The following EDARADD variants were observed in gnomAD, a reference collection of about 807,000 sequenced individuals.
The protein encoded by EDARADD is EDAR associated via death domain.
EDARADD carries 20 observed loss-of-function variants against 25.6 expected under a neutral mutation model. The ratio of observed to expected loss-of-function variants is 0.78; its 90% CI spans 0.55 to 1.14. EDARADD has a LOEUF of 1.14. Among genes scored for constraint, EDARADD ranks in the 50% most tolerant of loss-of-function variants. The probability of loss-of-function intolerance (pLI) is 0.00; values close to 1 mark genes in which losing one functional copy is unlikely to be tolerated. For synonymous variants in EDARADD, 86 were observed against 94.4 expected, an observed-to-expected ratio of 0.91 and a Z score of 0.52; for missense variants, 225 against 270.1, an observed-to-expected ratio of 0.83 and a Z score of 1.17.
At chr1:236,353,063 T>A (rs1034393051) in intron 3 of EDARADD, among the ~76,000 whole-genome samples, 19 of 151,510 alleles carry the variant, frequency 1.3e-4, no homozygotes, top group Middle Eastern at 3.4e-3. Context: ...GTACTAACAG[T>A]AGTGAATTTA....
At chr1:236,447,248 T>TTGCC (rs1658586958) in intron 4 of EDARADD, among the ~76,000 whole-genome samples, 1 of 123,076 alleles carries the variant, frequency 8.1e-6, no homozygotes. Flanking sequence ...CTTTCCTTTC[T>TTGCC]TTCCTTTCTT....
At chr1:236,394,035 C>T (rs1383068948), upstream of EDARADD, among the ~76,000 whole-genome samples, 1 of 151,724 alleles carries the variant, frequency 6.6e-6, no homozygotes, top group East Asian at 1.9e-4. Context: ...CCACCATCTT[C>T]TATTTGATAT....
chr1:236,414,856 A>T (rs1657593427), intron 3 of EDARADD, among the ~76,000 whole-genome samples: 1 of 151,938 alleles, frequency 6.6e-6, no homozygotes. Flanking sequence ...CTGGGCAACA[A>T]ACTCCATCTC....
chr1:236,468,849 C>T (rs1257533606), intron 5 of EDARADD, among the ~76,000 whole-genome samples: 1 of 152,044 alleles, frequency 6.6e-6, no homozygotes, highest in Non-Finnish European at 1.5e-5. Context: ...TCAGGCCAGT[C>T]GGGACTGAGT....
At position 236,381,311 on chromosome 1, in the gene EDARADD, T is replaced by C. The variant is rs185072015; in HGVS notation, c.-5-27905T>C. On this transcript the variant is annotated intron_variant, in intron 3 of 7. Transcript: ENST00000439430. The stretch of plus-strand genomic sequence containing the variant: ...CTAAAGATACACCATTCATTTTTAT[T>C]TTTATTTTATTTTATTTTTTATTTT... 3.4e-4 allele frequency among the ~76,000 whole-genome samples: 51 copies of C among 151,958 alleles called. 1 individual carries two copies. The East Asian group carries it at 9.6e-3, about 29-fold the overall frequency.
chr1:236,361,786 C>A (rs1572109145), intron 3 of EDARADD, among the ~76,000 whole-genome samples: 1 of 151,280 alleles, frequency 6.6e-6, no homozygotes, highest in South Asian at 2.1e-4. Flanking sequence ...TGTGGCTATA[C>A]CACAATTTGT....
At chr1:236,407,253 G>A (rs1171590194) in intron 1 of EDARADD, among the ~76,000 whole-genome samples, 6 of 152,174 alleles carry the variant, frequency 3.9e-5, no homozygotes, top group Non-Finnish European at 5.9e-5. Flanking sequence ...GTGCTGGGCC[G>A]CGGTCCCCGG....
At chr1:236,455,083 G>A (rs1193372857) in intron 4 of EDARADD, among the ~76,000 whole-genome samples, 4 of 152,236 alleles carry the variant, frequency 2.6e-5, no homozygotes, top group African/African-American at 4.8e-5. Flanking sequence ...GGTGGCGGGC[G>A]CCTGTAGTCC....
chr1:236,455,172 T>C (rs1187432353), intron 4 of EDARADD, among the ~76,000 whole-genome samples: 1 of 151,610 alleles, frequency 6.6e-6, no homozygotes, highest in African/African-American at 2.4e-5. Flanking sequence ...ATTGTGCCAC[T>C]GTACTCCAGC....
At chr1:236,351,335 C>T (rs1299403038) in intron 3 of EDARADD, among the ~76,000 whole-genome samples, 2 of 152,020 alleles carry the variant, frequency 1.3e-5, no homozygotes, top group Non-Finnish European at 2.9e-5. Flanking sequence ...ATGTTGATAC[C>T]GGTGGGCCAG....
intron 3 of EDARADD, among the ~76,000 whole-genome samples, chr1:236,360,122 C>G (rs1667028570): frequency 6.6e-6 from 1 of 151,836 alleles, no homozygotes; most frequent in Non-Finnish European, 1.5e-5. Context: ...CAAGACAAGT[C>G]TGGTCAACAT....
rs984780896 is a variant in EDARADD, at chr1:236,484,212, G to A, written c.*1563G>A. On this transcript the variant is annotated 3_prime_UTR_variant, in exon 6 of 6. Transcript: ENST00000334232. The surrounding 1 kb of genome is among the most constrained non-coding windows in gnomAD (Gnocchi z 4.1). ...GCTCAAAGTGAACCAGATTCGCTCT[G>A]TGACTGAGTCCCTTCAGGCGTGCAA... 7 of 1,005,354 alleles carry A rather than the reference G, an allele frequency of 7.0e-6. No individual in the cohort carries two copies. Among genetic ancestry groups the A allele is most frequent in the Middle Eastern group, 2.1e-4 (1 of 4,750 alleles). The allele number at this position is 1,005,354 out of a possible 1,614,324, so 62.3% of individuals were successfully genotyped here. A position where few individuals can be genotyped will look rare whatever the true frequency, so the allele number is the denominator to read the frequency against.
intron 4 of EDARADD, among the ~76,000 whole-genome samples, chr1:236,467,576 C>T (rs1041959141): frequency 2.0e-5 from 3 of 151,906 alleles, no homozygotes; most frequent in Non-Finnish European, 4.4e-5. Flanking sequence ...GAGATTTGGA[C>T]GCCACTTTTT....
chr1:236,441,403 A>G (rs958651401), intron 4 of EDARADD, among the ~76,000 whole-genome samples: 1 of 145,264 alleles, frequency 6.9e-6, no homozygotes, highest in African/African-American at 2.5e-5. Flanking sequence ...TATATGAGAT[A>G]TATATAGAAG....
chr1:236,437,059 G>A (rs1441456296), intron 4 of EDARADD, among the ~76,000 whole-genome samples: 1 of 152,176 alleles, frequency 6.6e-6, no homozygotes, highest in Non-Finnish European at 1.5e-5. Context: ...AGAGCTTACA[G>A]TCAAGTTTGG....
chr1:236,395,640 C>T lies in EDARADD; in HGVS notation c.61+1135C>T. 6.3e-7 allele frequency: 1 copy of T among 1,575,994 alleles called. No individual in the cohort carries two copies. Among genetic ancestry groups the T allele is most frequent in the Non-Finnish European group, 8.6e-7 (1 of 1,163,262 alleles). ...CCCTAACCCGCCGCCATGGCTTCAC[C>T]GGACGACCCTCTGCGCGCAGGTAAA... On this transcript the variant is annotated intron_variant, in intron 1 of 5. Transcript: ENST00000334232. This position sits in a 1 kb window ranked among gnomAD's most constrained non-coding sequence, Gnocchi z 6.9.
chr1:236,477,634 G>A (rs1234295903), intron 5 of EDARADD, among the ~76,000 whole-genome samples: 1 of 152,098 alleles, frequency 6.6e-6, no homozygotes, highest in Non-Finnish European at 1.5e-5. Context: ...AAGTTCATTA[G>A]AGGAAGAGAA....
At chr1:236,428,971 C>CA (rs1333901880) in intron 4 of EDARADD, among the ~76,000 whole-genome samples, 2 of 151,954 alleles carry the variant, frequency 1.3e-5, no homozygotes, top group South Asian at 2.1e-4. Flanking sequence ...CCGTCTCCAC[C>CA]AAAAAAATAC....
intron 4 of EDARADD, among the ~76,000 whole-genome samples, chr1:236,466,473 A>G (rs1446202084): frequency 1.4e-5 from 2 of 145,774 alleles, no homozygotes; most frequent in African/African-American, 2.5e-5. Context: ...ACACTCACAC[A>G]CTCCTGAGTA....
Sources: allele counts gnomAD v4.1 joint callset (sites outside exome capture counted in the v4.1 genomes callset), GRCh38; gene constraint gnomAD v4.1.1; non-coding constraint Gnocchi (gnomAD v3.1); transcripts MANE v1.5; gene names NCBI Gene and HGNC (gene_info 2026-07-23, HGNC 2026-07-21).